The following CBLB variants were observed in gnomAD, a reference collection of about 807,000 sequenced individuals.
CBLB encodes the protein E3 ubiquitin-protein ligase CBL-B.
In CBLB, 31 loss-of-function variants were observed where a neutral mutation model predicts 104.9. The ratio of observed to expected loss-of-function variants is 0.30; its 90% CI spans 0.22 to 0.40. The LOEUF (loss-of-function observed/expected upper bound fraction) is 0.40. CBLB is among the 10% of genes least tolerant of loss of function. CBLB has a pLI of 1.00. For missense variants in CBLB, 1,062 were observed against 1,214.6 expected, an observed-to-expected ratio of 0.87 and a Z score of 1.87; for synonymous variants, 440 against 422.6, an observed-to-expected ratio of 1.04 and a Z score of -0.51.
chr3:105,697,420 A>C (rs1245964549), intron 12 of CBLB, among the ~76,000 whole-genome samples: 1 of 152,010 alleles, frequency 6.6e-6, no homozygotes, highest in African/African-American at 2.4e-5. Context: ...AATTTTGTGA[A>C]AATCTTAGCA....
chr3:105,710,409 A>G (rs748245186), intron 10 of CBLB, among the ~76,000 whole-genome samples: 3 of 151,986 alleles, frequency 2.0e-5, no homozygotes, highest in Non-Finnish European at 4.4e-5. Context: ...ACTTATTCAC[A>G]ATATCCAAAA....
At chr3:105,675,476 AT>A (rs1249664947) in intron 17 of CBLB, among the ~76,000 whole-genome samples, 17 of 152,236 alleles carry the variant, frequency 1.1e-4, no homozygotes, top group African/African-American at 3.4e-4. Context: ...AGCCAAAAAA[AT>A]CTTTATGCTC....
At chr3:105,810,269 A>G (rs1426064957) in intron 3 of CBLB, among the ~76,000 whole-genome samples, 3 of 152,176 alleles carry the variant, frequency 2.0e-5, no homozygotes, top group African/African-American at 7.2e-5. Flanking sequence ...TACATTTCCA[A>G]TTGCATTTAC....
intron 2 of CBLB, among the ~76,000 whole-genome samples, chr3:105,866,008 A>G (rs1258388456): frequency 6.6e-6 from 1 of 152,198 alleles, no homozygotes; most frequent in Non-Finnish European, 1.5e-5. Context: ...AAAGTATCCA[A>G]TGCTAAAATC....
intron 13 of CBLB, among the ~76,000 whole-genome samples, chr3:105,691,577 T>C (rs1232346639): frequency 6.6e-6 from 1 of 152,214 alleles, no homozygotes; most frequent in Non-Finnish European, 1.5e-5. Context: ...CAAGATTTCA[T>C]TTTCTAATGT....
In CBLB at chr3:105,655,553, A is replaced by T. The variant is rs1217238111; in HGVS notation, c.*3417T>A. The T allele has an allele frequency of 5.6e-6, 1 of 179,358 alleles. No individual in the cohort carries two copies. Among genetic ancestry groups the T allele is most frequent in the South Asian group, 2.0e-4 (1 of 5,072 alleles). The allele number at this position is 179,358 out of a possible 1,614,324, so 11.1% of individuals were successfully genotyped here. On this transcript the variant is annotated 3_prime_UTR_variant, in exon 19 of 19. Transcript: ENST00000394030. ...CCAGAATTGAAAAGGAATGAATAAA[A>T]TATAAATTAATTGAACATATGACTA...
At chr3:105,810,857 C>T (rs1341421064) in intron 3 of CBLB, among the ~76,000 whole-genome samples, 4 of 152,032 alleles carry the variant, frequency 2.6e-5, no homozygotes, top group African/African-American at 7.2e-5. Context: ...AAGGTTGCCT[C>T]CTGATCAATT....
intron 4 of CBLB, among the ~76,000 whole-genome samples, chr3:105,763,271 GT>G (rs1405422817): frequency 6.6e-6 from 1 of 152,190 alleles, no homozygotes; most frequent in Non-Finnish European, 1.5e-5. Flanking sequence ...GCTGGAATGA[GT>G]TAAGACTTTG....
chr3:105,859,426 C>T (rs1331005991), intron 2 of CBLB, among the ~76,000 whole-genome samples: 5 of 152,032 alleles, frequency 3.3e-5, no homozygotes, highest in South Asian at 2.1e-4. Context: ...CCGAGGCGAG[C>T]GGATCACGAG....
chr3:105,803,393 T>A (rs1164520923), intron 3 of CBLB, among the ~76,000 whole-genome samples: 1 of 152,230 alleles, frequency 6.6e-6, no homozygotes, highest in Admixed American at 6.5e-5. Flanking sequence ...TGCTATTTCC[T>A]ATTAAATACG....
intron 3 of CBLB, among the ~76,000 whole-genome samples, chr3:105,801,217 C>A (rs1217456813): frequency 6.6e-6 from 1 of 152,034 alleles, no homozygotes; most frequent in African/African-American, 2.4e-5. Context: ...TAAAAAGCAG[C>A]AGCAGCCATT....
intron 4 of CBLB, among the ~76,000 whole-genome samples, chr3:105,754,594 C>G (rs1220970021): frequency 6.7e-6 from 1 of 149,334 alleles, no homozygotes; most frequent in Admixed American, 6.7e-5. Flanking sequence ...CAAGTTTTCA[C>G]TAATCCAAAA....
At chr3:105,757,797 A>G (rs1360230515) in intron 4 of CBLB, among the ~76,000 whole-genome samples, 1 of 152,202 alleles carries the variant, frequency 6.6e-6, no homozygotes, top group Non-Finnish European at 1.5e-5. Flanking sequence ...TTTAAGATCC[A>G]TTGTAGCTCA....
At chr3:105,831,259 G>A (rs954115754) in intron 3 of CBLB, among the ~76,000 whole-genome samples, 8 of 152,254 alleles carry the variant, frequency 5.3e-5, no homozygotes, top group Non-Finnish European at 8.8e-5. Context: ...TAAGCTAGGC[G>A]TATACTCCCA....
chr3:105,704,198 C>A, intron 10 of CBLB, 25 bp from the exon 11 acceptor site: 1 of 1,606,296 alleles, frequency 6.2e-7, no homozygotes, highest in African/African-American at 1.3e-5. Flanking sequence ...GAGAAAGATG[C>A]CGCTGTTTAT....
chr3:105,719,686 T>G (rs931542217), intron 10 of CBLB, among the ~76,000 whole-genome samples: 1 of 152,240 alleles, frequency 6.6e-6, no homozygotes, highest in South Asian at 2.1e-4. Context: ...TACTGGTTTA[T>G]GTACTTACTA....
At chr3:105,690,657 A>C (rs958514468) in intron 13 of CBLB, among the ~76,000 whole-genome samples, 1 of 152,080 alleles carries the variant, frequency 6.6e-6, no homozygotes, top group South Asian at 2.1e-4. Context: ...CCCCGTCTCC[A>C]CTAAAAATAA....
chr3:105,727,861 C>T (rs1313942008), intron 9 of CBLB, among the ~76,000 whole-genome samples: 4 of 151,906 alleles, frequency 2.6e-5, no homozygotes, highest in Non-Finnish European at 5.9e-5. Context: ...GTAGATGTGT[C>T]GCATTATTTC....
chr3:105,793,889 TA>T (rs1347991657), intron 3 of CBLB, among the ~76,000 whole-genome samples: 2 of 152,090 alleles, frequency 1.3e-5, no homozygotes, highest in Non-Finnish European at 2.9e-5. Flanking sequence ...CTTACAAAAA[TA>T]AATTAAATAT....
Sources: allele counts gnomAD v4.1 joint callset (sites outside exome capture counted in the v4.1 genomes callset), GRCh38; gene constraint gnomAD v4.1.1; transcripts MANE v1.5; gene names NCBI Gene and HGNC (gene_info 2026-07-23, HGNC 2026-07-21).